Variants in PTGES2 observed in about 807,000 individuals in gnomAD.
PTGES2 encodes the protein prostaglandin E synthase 2, also known as GATE-binding factor 1.
Under a neutral mutation model 44.5 loss-of-function variants are expected in PTGES2, and 35 were observed. The ratio of observed to expected loss-of-function variants is 0.79; its 90% CI spans 0.60 to 1.04. PTGES2 has a LOEUF of 1.04. PTGES2 is among the 50% of genes least tolerant of loss of function. The pLI, the probability that PTGES2 is intolerant of heterozygous loss-of-function variation, is 0.00. For missense variants in PTGES2, 517 were observed against 521.4 expected (o/e 0.99, Z 0.08); for synonymous variants, 221 against 227.5 (o/e 0.97, Z 0.26).
chr9:128,128,177 G>A (rs1834725777), upstream of PTGES2: 1 of 182,114 alleles, frequency 5.5e-6, no homozygotes, highest in African/African-American at 5.3e-5. Flanking sequence ...ACCAGGTGTT[G>A]CGGTTCTCTC....
intron 3 of PTGES2, 78 bp downstream of exon 3, chr9:128,124,414 A>G: frequency 3.1e-6 from 4 of 1,305,208 alleles, no homozygotes; most frequent in Non-Finnish European, 4.4e-6. Context: ...ACGTGCTCCC[A>G]GGAGGGAACT....
upstream of PTGES2, chr9:128,128,135 C>T (rs1834719550): frequency 2.8e-6 from 1 of 356,894 alleles, no homozygotes; most frequent in Admixed American, 4.0e-5. Context: ...GACTTCCGGC[C>T]ACTGAAAGCC....
rs1834510621 is a variant in PTGES2, at chr9:128,123,696, A to C, written c.686+6T>G. ...ACCTTCCCCCGCCAGCCCCAGCCCCACTCACGTCCTGGCCTCCTTCCCACC... is the reference window on the plus strand; with the variant it reads ...ACCTTCCCCCGCCAGCCCCAGCCCCCCTCACGTCCTGGCCTCCTTCCCACC... On this transcript the variant is annotated splice_donor_region_variant and intron_variant, in intron 4 of 6. Coordinates refer to ENST00000338961, the MANE Select transcript of PTGES2 (RefSeq NM_025072.7). This position sits in a 1 kb window ranked among gnomAD's most constrained non-coding sequence, Gnocchi z 4.4. 6.3e-7 allele frequency: 1 copy of C among 1,599,384 alleles called. No individual in the cohort carries two copies. The highest frequency in any genetic ancestry group is 8.5e-7 in the Non-Finnish European group (1 of 1,172,058).
chr9:128,123,061 G>T lies in PTGES2; in HGVS notation c.760C>A (p.Pro254Thr). 6.2e-7 allele frequency: 1 copy of T among 1,613,132 alleles called. No homozygotes were observed. Among genetic ancestry groups the T allele is most frequent in the Non-Finnish European group, 8.5e-7 (1 of 1,179,980 alleles). ...TCAAAGGACGCCAGAGCCTCGGTGG[G>T]CGTGCGGTACACATTGGGGGAGATC... is the stretch of plus-strand genomic sequence containing the variant. ...HLISPNVYRT[P>T]TEALASFDYI... The change falls in exon 5 of 7, where the codon CCC becomes ACC. Residue 254 changes from proline to threonine, a missense_variant. Transcript: ENST00000338961. This position sits in a 1 kb window ranked among gnomAD's most constrained non-coding sequence, Gnocchi z 4.4.
At chr9:128,122,558 G>T in intron 5 of PTGES2, 79 bp from the exon 6 acceptor site, 2 of 1,265,704 alleles carry the variant, frequency 1.6e-6, no homozygotes, top group Non-Finnish European at 2.3e-6. Flanking sequence ...TCTGGGGAGA[G>T]GGGGGAGGTG....
At chr9:128,127,986 A>AG (rs926703751), upstream of PTGES2, 3 of 435,730 alleles carry the variant, frequency 6.9e-6, no homozygotes, top group South Asian at 3.5e-5. Flanking sequence ...GGCCGACTGC[A>AG]GGGGGGCGAA....
chr9:128,125,116 C>G (rs1366774249), intron 2 of PTGES2, 128 bp downstream of exon 2: 1 of 879,402 alleles, frequency 1.1e-6, no homozygotes, highest in Non-Finnish European at 1.7e-6. Flanking sequence ...GCAGCTACTT[C>G]CCCCATAGTC....
At chr9:128,122,717 C>T (rs1274012115) in intron 5 of PTGES2, 5 of 641,152 alleles carry the variant, frequency 7.8e-6, no homozygotes, top group Admixed American at 2.9e-5. Flanking sequence ...CCCAGGCTTC[C>T]GGCTTCAAGG....
chr9:128,127,836 G>C (rs779250147), upstream of PTGES2: 20 of 1,010,308 alleles, frequency 2.0e-5, no homozygotes, highest in African/African-American at 2.5e-4. Context: ...GCGACGCTAA[G>C]GGAACCCTCA....
chr9:128,122,914 G>A lies in PTGES2; in HGVS notation c.887+20C>T. The A allele has an allele frequency of 6.2e-7, 1 of 1,611,526 alleles. No individual in the cohort carries two copies. Among genetic ancestry groups the A allele is most frequent in the Non-Finnish European group, 8.5e-7 (1 of 1,178,994 alleles). On this transcript the variant is annotated intron_variant, in intron 5 of 6. Transcript: ENST00000338961. ...CGGAGGCTCGGGGACAGCAGGCCCC[G>A]GATGTGCACACACACTTGCCTGCTC...
At chr9:128,128,000 C>T (rs1834708732), upstream of PTGES2, 4 of 433,736 alleles carry the variant, frequency 9.2e-6, no homozygotes, top group South Asian at 3.2e-5. Context: ...GGGCGAACGT[C>T]TCCTCGCCCC....
At chr9:128,125,479 A>AC in intron 1 of PTGES2, 38 bp from the exon 2 acceptor site, 1 of 1,600,234 alleles carries the variant, frequency 6.2e-7, no homozygotes, top group Non-Finnish European at 8.6e-7. Context: ...TAGACCTGGC[A>AC]CCCCCAGGCC....
At chr9:128,125,012 G>T in intron 2 of PTGES2, 1 of 762,212 alleles carries the variant, frequency 1.3e-6, no homozygotes, top group Non-Finnish European at 2.0e-6. Context: ...AATCTATGTT[G>T]TTAAGCTGTG....
chr9:128,123,127 TCTC>T lies in PTGES2; in HGVS notation c.691_693del (p.Glu231del), dbSNP rs774256555. 131 of 1,609,588 alleles carry T rather than the reference TCTC, an allele frequency of 8.1e-5. No homozygotes were observed. Among genetic ancestry groups the T allele is most frequent in the Non-Finnish European group, 1.0e-4 (121 of 1,179,960 alleles). ...TCGTCCGCCCACTGCCGCCACTTCA[TCTC>T]CTCCCTGCGGGCACGGGAGGGACTT... is the stretch of plus-strand genomic sequence containing the variant. On this transcript the variant is annotated inframe_deletion, in exon 5 of 7. Coordinates refer to ENST00000338961, the MANE Select transcript of PTGES2 (RefSeq NM_025072.7). This position sits in a 1 kb window ranked among gnomAD's most constrained non-coding sequence, Gnocchi z 4.4.
At chr9:128,128,104 TAG>T (rs1439737701), upstream of PTGES2, 1 of 359,680 alleles carries the variant, frequency 2.8e-6, no homozygotes, top group African/African-American at 2.2e-5. Flanking sequence ...CAGCCCTTCC[TAG>T]AGTCAGTACA....
intron 1 of PTGES2, among the ~76,000 whole-genome samples, chr9:128,127,155 T>C (rs537212994): frequency 2.7e-5 from 3 of 112,090 alleles, no homozygotes; most frequent in South Asian, 3.0e-4. Flanking sequence ...TGGGCGATAA[T>C]GCGAGACCCT....
intron 6 of PTGES2, among the ~76,000 whole-genome samples, chr9:128,121,483 G>A (rs1225709043): frequency 6.6e-6 from 1 of 151,892 alleles, no homozygotes; most frequent in South Asian, 2.1e-4. Flanking sequence ...CCCCTTTTCT[G>A]GGCCACAGAC....
At chr9:128,124,752 G>T in intron 2 of PTGES2, 1 of 1,346,822 alleles carries the variant, frequency 7.4e-7, no homozygotes, top group Non-Finnish European at 9.6e-7. Context: ...TGGGAAAGCC[G>T]TGGGGTCTAA....
In PTGES2 at chr9:128,123,911, C is replaced by A; in HGVS notation, c.537-60G>T. ...TCCCCCTCCGTCCCCTGTGGCCGAC[C>A]AACCCCGCTGCCCCAGCCTCAGAGT... On this transcript the variant is annotated intron_variant, in intron 3 of 6. Transcript: ENST00000338961. This position sits in a 1 kb window ranked among gnomAD's most constrained non-coding sequence, Gnocchi z 4.4. 6.4e-7 allele frequency: 1 copy of A among 1,574,496 alleles called. No homozygotes were observed. Among genetic ancestry groups the A allele is most frequent in the South Asian group, 1.1e-5 (1 of 88,070 alleles).
Sources: allele counts gnomAD v4.1 joint callset (sites outside exome capture counted in the v4.1 genomes callset), GRCh38; gene constraint gnomAD v4.1.1; non-coding constraint Gnocchi (gnomAD v3.1); transcripts MANE v1.5; gene names NCBI Gene and HGNC (gene_info 2026-07-23, HGNC 2026-07-21).